Variants in POU6F2 observed in about 807,000 individuals in gnomAD.
POU6F2 encodes the protein POU domain, class 6, transcription factor 2.
In POU6F2, 31 loss-of-function variants were observed where a neutral mutation model predicts 71.3. The ratio of observed to expected loss-of-function variants is 0.43; its 90% CI spans 0.33 to 0.59. The LOEUF is 0.59. Among genes scored for constraint, POU6F2 ranks in the 20% least tolerant of loss-of-function variants. POU6F2 has a pLI of 0.04. For missense variants in POU6F2, 783 were observed against 856.8 expected, an observed-to-expected ratio of 0.91 and a Z score of 1.07; for synonymous variants, 347 against 355.7, an observed-to-expected ratio of 0.98 and a Z score of 0.27.
At chr7:39,432,693 G>A (rs951654770) in intron 6 of POU6F2, among the ~76,000 whole-genome samples, 3 of 152,084 alleles carry the variant, frequency 2.0e-5, no homozygotes, top group Non-Finnish European at 4.4e-5. Flanking sequence ...CCGGGGTTGG[G>A]GGGTGGTGGG....
chr7:39,439,652 G>A (rs1212629925), intron 7 of POU6F2, among the ~76,000 whole-genome samples: 1 of 152,076 alleles, frequency 6.6e-6, no homozygotes, highest in Admixed American at 6.5e-5. Context: ...ACCACACCTG[G>A]CTATTTTTTG....
chr7:39,324,738 G>T (rs949002088), intron 4 of POU6F2, among the ~76,000 whole-genome samples: 12 of 152,182 alleles, frequency 7.9e-5, no homozygotes, highest in African/African-American at 2.9e-4. Context: ...TCATATAGAT[G>T]ATGCAACCAT....
intron 4 of POU6F2, among the ~76,000 whole-genome samples, chr7:39,293,633 T>C (rs917570127): frequency 1.3e-5 from 2 of 152,218 alleles, no homozygotes; most frequent in Non-Finnish European, 2.9e-5. Context: ...CTGGACTGTG[T>C]GTGAACCCCG....
chr7:39,004,563 T>C (rs1376050657), intron 1 of POU6F2, among the ~76,000 whole-genome samples: 2 of 152,216 alleles, frequency 1.3e-5, no homozygotes, highest in African/African-American at 2.4e-5. Context: ...TGTGGACTAG[T>C]AGTGCCTGTG....
At chr7:39,082,633 C>T (rs906137453) in intron 1 of POU6F2, among the ~76,000 whole-genome samples, 3 of 151,976 alleles carry the variant, frequency 2.0e-5, no homozygotes, top group African/African-American at 4.8e-5. Flanking sequence ...ACTTCCAAGC[C>T]GAGTGCTACT....
At chr7:39,135,335 A>T (rs1253683335) in intron 2 of POU6F2, among the ~76,000 whole-genome samples, 1 of 152,312 alleles carries the variant, frequency 6.6e-6, no homozygotes, top group South Asian at 2.1e-4. Flanking sequence ...CAAAAATCTC[A>T]GCCATTGTGG....
intron 1 of POU6F2, among the ~76,000 whole-genome samples, chr7:39,012,806 T>C (rs959167636): frequency 2.0e-5 from 3 of 151,320 alleles, no homozygotes; most frequent in South Asian, 4.2e-4. Flanking sequence ...AGTGTGCCCC[T>C]GCTGGGGGGT....
chr7:39,339,423 T>A (rs1160156767), intron 4 of POU6F2, among the ~76,000 whole-genome samples: 1 of 152,188 alleles, frequency 6.6e-6, no homozygotes, highest in Non-Finnish European at 1.5e-5. Flanking sequence ...ATGCCTGATG[T>A]GTTATATGCT....
At chr7:39,443,208 G>A (rs576396448) in intron 7 of POU6F2, among the ~76,000 whole-genome samples, 20 of 152,228 alleles carry the variant, frequency 1.3e-4, no homozygotes, top group African/African-American at 4.6e-4. Context: ...TTGGAGATTA[G>A]CAACTGGAAA....
chr7:39,216,756 A>G (rs1053054401), intron 4 of POU6F2, among the ~76,000 whole-genome samples: 9 of 152,228 alleles, frequency 5.9e-5, no homozygotes, highest in Non-Finnish European at 4.4e-5. Context: ...AAGTTTAAAT[A>G]CAAAACTGCT....
At chr7:39,265,539 A>T (rs1784222817) in intron 4 of POU6F2, among the ~76,000 whole-genome samples, 1 of 152,224 alleles carries the variant, frequency 6.6e-6, no homozygotes, top group Non-Finnish European at 1.5e-5. Flanking sequence ...TAAGTTATCC[A>T]TAGTTTTACC....
chr7:39,003,544 C>T (rs370622563), intron 1 of POU6F2, among the ~76,000 whole-genome samples: 40 of 142,800 alleles, frequency 2.8e-4, no homozygotes, highest in East Asian at 2.7e-3. Context: ...TCGAGACCAT[C>T]GGGTCTAACA....
At chr7:39,232,867 G>A (rs1794600890) in intron 4 of POU6F2, among the ~76,000 whole-genome samples, 1 of 152,164 alleles carries the variant, frequency 6.6e-6, no homozygotes, top group Non-Finnish European at 1.5e-5. Flanking sequence ...CTAAGGACTT[G>A]CCCATGAAAT....
At chr7:39,459,612 A>G (rs535159163) in intron 8 of POU6F2, among the ~76,000 whole-genome samples, 41 of 152,312 alleles carry the variant, frequency 2.7e-4, no homozygotes, top group African/African-American at 9.9e-4. Context: ...AGAAAAAGGA[A>G]GAGAAAAACT....
chr7:39,218,098 C>T (rs907437369), intron 4 of POU6F2, among the ~76,000 whole-genome samples: 1 of 152,110 alleles, frequency 6.6e-6, no homozygotes, highest in African/African-American at 2.4e-5. Flanking sequence ...AGCAATGATT[C>T]TACACTAGGA....
At chr7:39,179,185 G>T (rs961444523) in intron 2 of POU6F2, among the ~76,000 whole-genome samples, 1 of 152,192 alleles carries the variant, frequency 6.6e-6, no homozygotes, top group Non-Finnish European at 1.5e-5. Flanking sequence ...CTTAAGTGCC[G>T]TGGAATGATC....
chr7:39,167,494 G>A (rs17433373), intron 2 of POU6F2, among the ~76,000 whole-genome samples: 6,904 of 152,028 alleles, frequency 0.045, 218 homozygotes, highest in Middle Eastern at 0.082. Context: ...ATATCTTTGC[G>A]TCAGTGTGAC....
At chr7:39,042,433 C>T (rs954388241) in intron 1 of POU6F2, among the ~76,000 whole-genome samples, 1 of 151,948 alleles carries the variant, frequency 6.6e-6, no homozygotes, top group African/African-American at 2.4e-5. Context: ...GATGGTGAGA[C>T]TTTCTGCTGC....
chr7:39,413,420 ATAAG>A (rs1185736414), intron 6 of POU6F2, among the ~76,000 whole-genome samples: 2 of 152,234 alleles, frequency 1.3e-5, no homozygotes, highest in Non-Finnish European at 1.5e-5. Flanking sequence ...TATATTTTGA[ATAAG>A]TAAGAATCAG....
Sources: gnomAD v4.1 joint callset for allele counts (sites outside exome capture counted in the v4.1 genomes callset) on GRCh38, gnomAD v4.1.1 for gene constraint, MANE v1.5 for transcripts, NCBI Gene and HGNC (gene_info 2026-07-23, HGNC 2026-07-21) for gene names.